The following MGAT4C variants were observed in gnomAD, a reference collection of about 807,000 sequenced individuals.
The protein encoded by MGAT4C is alpha-1,3-mannosyl-glycoprotein 4-beta-N-acetylglucosaminyltransferase C.
A neutral mutation model predicts 40.1 loss-of-function variants in MGAT4C; 19 were observed. The ratio of observed to expected loss-of-function variants is 0.47; its 90% confidence interval spans 0.33 to 0.70. The LOEUF (loss-of-function observed/expected upper bound fraction) is 0.70, where lower values mean the gene tolerates loss of function less well. Among genes scored for constraint, MGAT4C ranks in the 30% least tolerant of loss-of-function variants. The pLI is 0.02. For synonymous variants in MGAT4C, 181 were observed against 187.1 expected, an observed-to-expected ratio of 0.97 and a Z score of 0.27; for missense variants, 491 against 563.2, an observed-to-expected ratio of 0.87 and a Z score of 1.30.
chr12:86,160,046 T>C (rs1054020292), intron 1 of MGAT4C, among the ~76,000 whole-genome samples: 2 of 152,110 alleles, frequency 1.3e-5, no homozygotes, highest in Non-Finnish European at 2.9e-5. Flanking sequence ...CATTAAGTTC[T>C]TTTCTAATTT....
At chr12:86,671,672 C>T (rs562423880) in intron 2 of MGAT4C, among the ~76,000 whole-genome samples, 5 of 152,152 alleles carry the variant, frequency 3.3e-5, no homozygotes, top group South Asian at 4.1e-4. Context: ...AGACAAAACA[C>T]CTTTCATGAC....
At chr12:86,599,770 T>C (rs1458808830) in intron 2 of MGAT4C, 2 of 152,166 alleles carry the variant, frequency 1.3e-5, no homozygotes, top group African/African-American at 2.4e-5. Flanking sequence ...AAATGTATAA[T>C]TAAAGGCATT....
At chr12:86,043,650 C>T (rs1274618974) in intron 2 of MGAT4C, among the ~76,000 whole-genome samples, 1 of 152,230 alleles carries the variant, frequency 6.6e-6, no homozygotes. Context: ...AGGAACAATA[C>T]TTTACATCCT....
chr12:86,790,869 T>G (rs1952009893), intron 1 of MGAT4C, among the ~76,000 whole-genome samples: 1 of 152,096 alleles, frequency 6.6e-6, no homozygotes, highest in Admixed American at 6.6e-5. Flanking sequence ...TCCCTATTTT[T>G]AAACAAATAC....
chr12:86,302,806 A>G (rs1953847730), intron 4 of MGAT4C, among the ~76,000 whole-genome samples: 1 of 150,624 alleles, frequency 6.6e-6, no homozygotes, highest in South Asian at 2.1e-4. Flanking sequence ...TAGGAAGATT[A>G]CAGAATCTGA....
chr12:86,164,352 C>G (rs1451079471), intron 1 of MGAT4C, among the ~76,000 whole-genome samples: 3 of 152,112 alleles, frequency 2.0e-5, no homozygotes, highest in Admixed American at 6.6e-5. Flanking sequence ...AAATGAAATA[C>G]TTTGCAAAAC....
chr12:86,072,043 TG>T (rs1868614711), intron 1 of MGAT4C, among the ~76,000 whole-genome samples: 1 of 151,738 alleles, frequency 6.6e-6, no homozygotes, highest in African/African-American at 2.4e-5. Flanking sequence ...TGTGTGTGTG[TG>T]TGTGTGTGTG....
chr12:86,534,205 T>A (rs1959033496), intron 2 of MGAT4C, among the ~76,000 whole-genome samples: 1 of 152,104 alleles, frequency 6.6e-6, no homozygotes, highest in South Asian at 2.1e-4. Flanking sequence ...CCTGGAAGCT[T>A]CATCTGCATA....
chr12:86,541,100 T>C (rs1592967739), intron 2 of MGAT4C, among the ~76,000 whole-genome samples: 1 of 152,190 alleles, frequency 6.6e-6, no homozygotes, highest in East Asian at 1.9e-4. Context: ...AGGTCTAAGT[T>C]AAAGGAGCCC....
intron 1 of MGAT4C, among the ~76,000 whole-genome samples, chr12:86,205,297 CCT>C (rs1491321504): frequency 1.3e-5 from 2 of 148,694 alleles, no homozygotes; most frequent in African/African-American, 4.9e-5. Flanking sequence ...AAAAATTATA[CCT>C]TTTTCTAAGT....
chr12:86,353,212 A>G (rs756328046), intron 3 of MGAT4C, among the ~76,000 whole-genome samples: 1 of 152,054 alleles, frequency 6.6e-6, no homozygotes, highest in Non-Finnish European at 1.5e-5. Context: ...CCTCAAAACA[A>G]CAGATAGTAG....
At chr12:86,102,618 A>G (rs573168712) in intron 1 of MGAT4C, among the ~76,000 whole-genome samples, 92 of 152,216 alleles carry the variant, frequency 6.0e-4, no homozygotes, top group African/African-American at 2.1e-3. Flanking sequence ...TTAATAGCTG[A>G]AAAGAGAAAT....
At chr12:86,508,156 C>G (rs919976849) in intron 2 of MGAT4C, among the ~76,000 whole-genome samples, 19 of 152,046 alleles carry the variant, frequency 1.2e-4, no homozygotes, top group African/African-American at 3.9e-4. Flanking sequence ...GCGCTGCACC[C>G]ACTAACTCGT....
At chr12:86,602,468 C>T (rs1401591186) in intron 2 of MGAT4C, among the ~76,000 whole-genome samples, 3 of 152,184 alleles carry the variant, frequency 2.0e-5, no homozygotes, top group South Asian at 4.1e-4. Flanking sequence ...CAATGTCATC[C>T]TTCCAAAATT....
chr12:86,353,948 A>G (rs7299319), intron 3 of MGAT4C, among the ~76,000 whole-genome samples: 99,778 of 151,940 alleles, frequency 0.66, 33,473 homozygotes, highest in South Asian at 0.77. Context: ...AAGGTAATCA[A>G]GAAGAGGATG....
chr12:86,809,168 G>A (rs943890176), intron 1 of MGAT4C, among the ~76,000 whole-genome samples: 8 of 152,086 alleles, frequency 5.3e-5, no homozygotes, highest in African/African-American at 1.9e-4. Context: ...CCATGTTCAT[G>A]GATAGGATGA....
At chr12:86,198,054 G>T (rs983731389) in intron 1 of MGAT4C, among the ~76,000 whole-genome samples, 1 of 152,110 alleles carries the variant, frequency 6.6e-6, no homozygotes, top group Non-Finnish European at 1.5e-5. Flanking sequence ...TTTCATTTAA[G>T]TAAGATCAGA....
chr12:86,181,175 C>G (rs1293862227), intron 1 of MGAT4C, among the ~76,000 whole-genome samples: 2 of 152,074 alleles, frequency 1.3e-5, no homozygotes, highest in Non-Finnish European at 2.9e-5. Context: ...GTAAGAATTG[C>G]CTTTTGCCTC....
intron 1 of MGAT4C, among the ~76,000 whole-genome samples, chr12:86,178,871 C>T (rs1887782322): frequency 6.6e-6 from 1 of 152,088 alleles, no homozygotes; most frequent in African/African-American, 2.4e-5. Flanking sequence ...GACCAATGCC[C>T]CTCAACTCTG....
Sources: allele counts gnomAD v4.1 joint callset (sites outside exome capture counted in the v4.1 genomes callset), GRCh38; gene constraint gnomAD v4.1.1; transcripts MANE v1.5; gene names NCBI Gene and HGNC (gene_info 2026-07-23, HGNC 2026-07-21).